Variants in PDZRN4 observed in about 807,000 individuals in gnomAD.
The protein encoded by PDZRN4 is PDZ domain containing ring finger 4.
A neutral mutation model predicts 99.0 loss-of-function variants in PDZRN4; 70 were observed. The observed-to-expected ratio is 0.71, with a 90% CI of 0.58 to 0.86. The LOEUF (loss-of-function observed/expected upper bound fraction) is 0.86. Among genes scored for constraint, PDZRN4 ranks in the 40% least tolerant of loss-of-function variants. The probability of loss-of-function intolerance (pLI) is 0.00; values close to 1 mark genes in which losing one functional copy is unlikely to be tolerated. For missense variants in PDZRN4, 1,474 were observed against 1,331.2 expected (o/e 1.11, Z -1.67); for synonymous variants, 551 against 501.6 (o/e 1.10, Z -1.32).
At chr12:41,204,037 A>G (rs1411204928) in intron 3 of PDZRN4, among the ~76,000 whole-genome samples, 2 of 142,946 alleles carry the variant, frequency 1.4e-5, no homozygotes, top group Non-Finnish European at 3.1e-5. Context: ...ATGAAGTAGT[A>G]AGGGCTTGTA....
chr12:41,290,055 A>G (rs1267504946), intron 3 of PDZRN4, among the ~76,000 whole-genome samples: 3 of 152,206 alleles, frequency 2.0e-5, no homozygotes, highest in Non-Finnish European at 4.4e-5. Context: ...GTACATAGGA[A>G]GTACTGGTGG....
chr12:41,450,801 GC>G (rs1952768349), intron 3 of PDZRN4, among the ~76,000 whole-genome samples: 2 of 152,094 alleles, frequency 1.3e-5, no homozygotes, highest in Admixed American at 6.6e-5. Context: ...GGTGGTTCAT[GC>G]CTTTACTTTC....
At chr12:41,515,585 TTAA>T (rs1938388035) in intron 5 of PDZRN4, among the ~76,000 whole-genome samples, 1 of 152,020 alleles carries the variant, frequency 6.6e-6, no homozygotes, top group Non-Finnish European at 1.5e-5. Context: ...GAGGAGCCTA[TTAA>T]TGTCACCACC....
chr12:41,206,675 C>T, intron 3 of PDZRN4, among the ~76,000 whole-genome samples: 1 of 151,834 alleles, frequency 6.6e-6, no homozygotes, highest in East Asian at 1.9e-4. Context: ...AAGGGTAAAG[C>T]AAATCTAGCC....
intron 3 of PDZRN4, among the ~76,000 whole-genome samples, chr12:41,400,166 A>G (rs527838080): frequency 9.7e-4 from 148 of 152,304 alleles, no homozygotes; most frequent in African/African-American, 2.9e-3. Flanking sequence ...TTCTTTATCC[A>G]TGGAATCTGC....
intron 3 of PDZRN4, among the ~76,000 whole-genome samples, chr12:41,239,573 G>A (rs1359481412): frequency 6.6e-6 from 1 of 152,168 alleles, no homozygotes; most frequent in African/African-American, 2.4e-5. Flanking sequence ...GCTTTACTGT[G>A]TTCAATTCAT....
intron 3 of PDZRN4, among the ~76,000 whole-genome samples, chr12:41,195,331 C>G (rs1950763842): frequency 6.6e-6 from 1 of 152,124 alleles, no homozygotes; most frequent in African/African-American, 2.4e-5. Context: ...ATTCTGTTCA[C>G]TCTAGGCTAT....
intron 3 of PDZRN4, among the ~76,000 whole-genome samples, chr12:41,429,836 C>T (rs201964971): frequency 6.8e-6 from 1 of 146,792 alleles, no homozygotes; most frequent in East Asian, 2.0e-4. Flanking sequence ...GCTGTACTTA[C>T]ACTACTATTC....
At chr12:41,220,797 G>T (rs12367762) in intron 3 of PDZRN4, among the ~76,000 whole-genome samples, 13,394 of 152,174 alleles carry the variant, frequency 0.088, 809 homozygotes, top group Non-Finnish European at 0.12. Flanking sequence ...ATAATAATGA[G>T]GTCTTAACCT....
chr12:41,235,967 A>C (rs1951064191), intron 3 of PDZRN4, among the ~76,000 whole-genome samples: 1 of 152,162 alleles, frequency 6.6e-6, no homozygotes, highest in Non-Finnish European at 1.5e-5. Context: ...TAACTGTGTA[A>C]GTTAGTAACT....
intron 3 of PDZRN4, among the ~76,000 whole-genome samples, chr12:41,223,665 A>T (rs953856162): frequency 2.0e-5 from 3 of 152,160 alleles, no homozygotes; most frequent in African/African-American, 7.2e-5. Flanking sequence ...GTCACTTAGG[A>T]CAGTGAGCTG....
At chr12:41,351,384 A>G (rs540053375) in intron 3 of PDZRN4, among the ~76,000 whole-genome samples, 8 of 152,242 alleles carry the variant, frequency 5.3e-5, no homozygotes, top group African/African-American at 1.9e-4. Context: ...TGAAAAGGTA[A>G]GAGGAGTGTA....
rs77971971 is a variant in PDZRN4 at position 41,523,138 on chromosome 12, A to C, written c.1203+13225A>C. ...TTATCTGTGAAAAGAAGATAGTATTAATAATACATATTTGTTAATATTAAA... is the reference window on the plus strand; with the variant it reads ...TTATCTGTGAAAAGAAGATAGTATTCATAATACATATTTGTTAATATTAAA... On this transcript the variant is annotated intron_variant, in intron 5 of 9. Coordinates refer to ENST00000402685, the MANE Select transcript of PDZRN4 (RefSeq NM_001164595.2). Among the ~76,000 whole-genome samples, 591 of 152,218 alleles carry C rather than the reference A, an allele frequency of 3.9e-3. 10 individuals are homozygous for C. In the East Asian group the frequency reaches 0.047, roughly 12 times the overall value.
At chr12:41,520,753 A>G (rs1938481233) in intron 5 of PDZRN4, among the ~76,000 whole-genome samples, 2 of 152,024 alleles carry the variant, frequency 1.3e-5, no homozygotes. Context: ...TCAAACCCAG[A>G]GAAAGATGTC....
At chr12:41,412,237 T>C (rs908276899) in intron 3 of PDZRN4, 1 of 152,216 alleles carries the variant, frequency 6.6e-6, no homozygotes, top group Non-Finnish European at 1.5e-5. Flanking sequence ...CCAAGGTCAC[T>C]TCATGGTCCA....
intron 5 of PDZRN4, among the ~76,000 whole-genome samples, chr12:41,525,573 G>A (rs2120724996): frequency 6.6e-6 from 1 of 152,166 alleles, no homozygotes; most frequent in African/African-American, 2.4e-5. Context: ...ATAAATGATG[G>A]AATATAGATA....
At chr12:41,453,935 A>T (rs573965601) in intron 3 of PDZRN4, among the ~76,000 whole-genome samples, 4 of 45,822 alleles carry the variant, frequency 8.7e-5, no homozygotes, top group Non-Finnish European at 1.8e-4. Flanking sequence ...GAAATGTTTG[A>T]TCTTTATAAG....
chr12:41,264,561 AC>A (rs1197256214), intron 3 of PDZRN4, among the ~76,000 whole-genome samples: 1 of 152,148 alleles, frequency 6.6e-6, no homozygotes, highest in African/African-American at 2.4e-5. Context: ...CAGCATTCTT[AC>A]CAAAAGGAAT....
intron 3 of PDZRN4, among the ~76,000 whole-genome samples, chr12:41,327,888 T>C (rs1168267202): frequency 6.6e-6 from 1 of 152,070 alleles, no homozygotes; most frequent in Admixed American, 6.6e-5. Context: ...ACATATCCAG[T>C]CCTCTACACA....
Sources: allele counts gnomAD v4.1 joint callset (sites outside exome capture counted in the v4.1 genomes callset), GRCh38; gene constraint gnomAD v4.1.1; transcripts MANE v1.5; gene names NCBI Gene and HGNC (gene_info 2026-07-23, HGNC 2026-07-21).